SLC26A2: variants seen among roughly 807,000 people sequenced by gnomAD.
SLC26A2 encodes the protein sulfate transporter.
SLC26A2 carries 36 observed loss-of-function variants against 41.1 expected under a neutral mutation model. The observed-to-expected ratio is 0.88, with a 90% CI of 0.67 to 1.16. The LOEUF (loss-of-function observed/expected upper bound fraction) is 1.16. Among genes scored for constraint, SLC26A2 ranks in the 50% most tolerant of loss-of-function variants. The pLI, the probability that SLC26A2 is intolerant of heterozygous loss-of-function variation, is 0.00. For missense variants in SLC26A2, 796 were observed against 869.6 expected (o/e 0.92, Z 1.07); for synonymous variants, 291 against 311.6 (o/e 0.93, Z 0.70).
chr5:149,967,154 CTG>C (rs1212783307), intron 1 of SLC26A2, among the ~76,000 whole-genome samples: 2 of 152,176 alleles, frequency 1.3e-5, no homozygotes, highest in African/African-American at 2.4e-5. Flanking sequence ...CAGAGTGAGA[CTG>C]TGTCTCTTAA....
At chr5:149,979,608 T>TA (rs1755057462) in intron 2 of SLC26A2, among the ~76,000 whole-genome samples, 1 of 152,102 alleles carries the variant, frequency 6.6e-6, no homozygotes, top group East Asian at 1.9e-4. Context: ...TCTGAAAACT[T>TA]ATTAGACAGA....
chr5:149,979,295 G>A (rs951353654), intron 2 of SLC26A2, among the ~76,000 whole-genome samples: 2 of 152,130 alleles, frequency 1.3e-5, no homozygotes, highest in Non-Finnish European at 2.9e-5. Context: ...AACCAACAAG[G>A]GAAGGGGAAG....
At position 149,977,728 on chromosome 5, in the gene SLC26A2, G is replaced by A; in HGVS notation, c.76G>A (p.Gly26Arg). Residue 26 changes from glycine to arginine, a missense_variant, in exon 2 of 3, where the codon GGG (glycine) becomes AGG (arginine). Transcript: ENST00000286298. ...TGAAGGAAATGACAGTTATCCATCT[G>A]GGATCCATCTGGAACTTCAAAGGGA... Reference protein sequence around the residue: ...SAEGNDSYPSGIHLELQRESS... With the variant: ...SAEGNDSYPSRIHLELQRESS... The A allele has an allele frequency of 6.2e-7, 1 of 1,613,960 alleles. No individual in the cohort carries two copies.
rs1755172249 is a variant in SLC26A2, at chr5:149,984,981, C to T, written c.*3168C>T. The T allele has an allele frequency of 6.6e-6, 1 of 152,168 alleles. No individual in the cohort carries two copies. Among genetic ancestry groups the T allele is most frequent in the Non-Finnish European group, 1.5e-5 (1 of 68,058 alleles). 9.4% of individuals were successfully genotyped at this position (152,168 alleles called of 1,614,324 possible). On this transcript the variant is annotated 3_prime_UTR_variant, in exon 3 of 3. Coordinates refer to ENST00000286298, the MANE Select transcript of SLC26A2 (RefSeq NM_000112.4). ...AAACATTATAGAGGAGTGAAGAGAA[C>T]AGACCATTGAAAAGACTATTATCTG... is the stretch of plus-strand genomic sequence containing the variant.
At position 149,978,184 on chromosome 5, in the gene SLC26A2, C is replaced by T. The variant is rs104893919; in HGVS notation, c.532C>T (p.Arg178Ter). 9.7e-5 allele frequency: 156 copies of T among 1,612,622 alleles called. No homozygotes were observed. Among genetic ancestry groups the T allele is most frequent in the Admixed American group, 2.5e-4 (15 of 59,968 alleles). ...CCTTATGATTGGTGAGACAGTTGAC[C>T]GAGAACTACAGAAAGCTGGCTATGA... ...LCLMIGETVD[R>*]ELQKAGYDNA... Residue 178 changes from arginine to a stop codon, truncating the protein, a stop_gained, in exon 2 of 3, where the codon CGA (arginine) becomes TGA (stop). Coordinates refer to ENST00000286298, the MANE Select transcript of SLC26A2 (RefSeq NM_000112.4). LOFTEE classifies it high-confidence loss of function.
Position 149,978,299 on chromosome 5 carries a change from G to A in SLC26A2, c.647G>A (p.Cys216Tyr). The A allele has an allele frequency of 6.2e-7, 1 of 1,613,972 alleles. No individual in the cohort carries two copies. The highest frequency in any genetic ancestry group is 8.5e-7 in the Non-Finnish European group (1 of 1,180,014). Residue 216 changes from cysteine (C) to tyrosine (Y), a missense_variant, in exon 2 of 3, where the codon TGC (cysteine) becomes TAC (tyrosine). Coordinates refer to ENST00000286298, the MANE Select transcript of SLC26A2 (RefSeq NM_000112.4). ...TCAGACAGGATATGTGACAAAAGTTGCTATGCAATTATGGTTGGCAGCACT... is the reference window on the plus strand; with the variant it reads ...TCAGACAGGATATGTGACAAAAGTTACTATGCAATTATGGTTGGCAGCACT... The part of the protein sequence containing the change: ...HTSDRICDKS[C>Y]YAIMVGSTVT...
intron 1 of SLC26A2, among the ~76,000 whole-genome samples, chr5:149,976,631 AC>A: frequency 6.6e-6 from 1 of 152,250 alleles, no homozygotes; most frequent in East Asian, 1.9e-4. Flanking sequence ...TATTAGACTT[AC>A]TATTTGTTGT....
At chr5:149,970,033 A>T (rs1021719900) in intron 1 of SLC26A2, among the ~76,000 whole-genome samples, 1 of 152,236 alleles carries the variant, frequency 6.6e-6, no homozygotes, top group African/African-American at 2.4e-5. Flanking sequence ...GTTCTTGATA[A>T]TGGAAATATA....
intron 1 of SLC26A2, among the ~76,000 whole-genome samples, chr5:149,974,930 G>T (rs1399441630): frequency 6.6e-6 from 1 of 151,934 alleles, no homozygotes; most frequent in Admixed American, 6.6e-5. Context: ...TCACCATGTT[G>T]GTCATGCTGG....
chr5:149,969,739 A>C (rs767845444), intron 1 of SLC26A2, among the ~76,000 whole-genome samples: 2 of 152,176 alleles, frequency 1.3e-5, no homozygotes, highest in African/African-American at 4.8e-5. Context: ...TATCTCCTAC[A>C]ACTTCACCCT....
intron 1 of SLC26A2, among the ~76,000 whole-genome samples, chr5:149,969,239 A>T (rs145137941): frequency 1.1e-4 from 17 of 152,346 alleles, no homozygotes; most frequent in African/African-American, 4.1e-4. Flanking sequence ...AACATCTTGA[A>T]TAATTTTAAT....
Position 149,981,827 on chromosome 5 carries a change from TAGA to T in SLC26A2, c.*19_*21del, listed in dbSNP as rs775062734. ...AGTAGTGATTAATTGAGAAGGTAGA[TAGA>T]AGAATGTCTAGCCAATAGGTTAAAA... On this transcript the variant is annotated 3_prime_UTR_variant, in exon 3 of 3. Coordinates refer to ENST00000286298, the MANE Select transcript of SLC26A2 (RefSeq NM_000112.4). The T allele has an allele frequency of 1.0e-4, 164 of 1,583,232 alleles. No homozygotes were observed. The highest frequency in any genetic ancestry group is 5.0e-4 in the Middle Eastern group (3 of 6,024).
chr5:149,980,810 A>G lies in SLC26A2; in HGVS notation c.1217A>G (p.Lys406Arg), dbSNP rs1561822203. The G allele has an allele frequency of 1.9e-6, 3 of 1,614,134 alleles. No individual in the cohort carries two copies. Among genetic ancestry groups the G allele is most frequent in the Non-Finnish European group, 2.5e-6 (3 of 1,180,020 alleles). Residue 406 changes from lysine (K) to arginine (R), a missense_variant, in exon 3 of 3, where the codon AAG (lysine) becomes AGG (arginine). Physicochemically the swap from Lys to Arg is conservative, Grantham distance 26 (BLOSUM62 2). Coordinates refer to ENST00000286298, the MANE Select transcript of SLC26A2 (RefSeq NM_000112.4). ...ITVSLSEMFAKKHGYTVKANQ... is the reference protein window; with the variant it reads ...ITVSLSEMFARKHGYTVKANQ... ...GTATCACTTTCTGAGATGTTTGCCA[A>G]GAAACATGGTTACACAGTCAAAGCA...
Position 149,977,854 on chromosome 5 carries a change from G to A in SLC26A2, c.202G>A (p.Glu68Lys), listed in dbSNP as rs751114545. The A allele has an allele frequency of 1.2e-6, 2 of 1,613,450 alleles. No individual in the cohort carries two copies. The highest frequency in any genetic ancestry group is 1.7e-6 in the Non-Finnish European group (2 of 1,179,494). The change falls in exon 2 of 3, where the codon GAG becomes AAG. Residue 68 changes from glutamate to lysine, a missense_variant. Transcript: ENST00000286298. ...RQEKSDTNFK[E>K]FVIKKLQKNC... ...AGAGAAATCAGATACAAACTTCAAG[G>A]AGTTTGTTATTAAAAAGCTGCAGAA...
chr5:149,967,766 G>T (rs1049355820), intron 1 of SLC26A2, among the ~76,000 whole-genome samples: 10 of 151,324 alleles, frequency 6.6e-5, no homozygotes, highest in Admixed American at 1.3e-4. Context: ...ATATATTTTT[G>T]TTGTTGTTGT....
Position 149,981,777 on chromosome 5 carries a change from A to G in SLC26A2, c.2184A>G (p.Val728=), listed in dbSNP as rs758010725. The change falls in exon 3 of 3, where the codon GTA becomes GTG. Residue 728 remains valine, a synonymous_variant. Transcript: ENST00000286298. ...AAGTATCTAAAAATCAGAAAGGAGTATGTGTTCCCAATGGTCTGAGTCTTA... is the reference window on the plus strand; with the variant it reads ...AAGTATCTAAAAATCAGAAAGGAGTGTGTGTTCCCAATGGTCTGAGTCTTA... ...FAEVSKNQKG[V]CVPNGLSLSS... The G allele has an allele frequency of 1.9e-6, 3 of 1,613,144 alleles. No individual in the cohort carries two copies. The Admixed American group carries it at 5.0e-5, about 27-fold the overall frequency.
chr5:149,970,167 A>G (rs1754877484), intron 1 of SLC26A2, among the ~76,000 whole-genome samples: 1 of 152,174 alleles, frequency 6.6e-6, no homozygotes, highest in Non-Finnish European at 1.5e-5. Context: ...AGGAGGTGTT[A>G]TTTTATTTGG....
At chr5:149,971,770 G>A (rs1243400884) in intron 1 of SLC26A2, among the ~76,000 whole-genome samples, 1 of 152,136 alleles carries the variant, frequency 6.6e-6, no homozygotes, top group South Asian at 2.1e-4. Context: ...AATATTAGTT[G>A]CTTTAGTGGA....
At chr5:149,976,742 A>C (rs375408982) in intron 1 of SLC26A2, among the ~76,000 whole-genome samples, 1 of 152,288 alleles carries the variant, frequency 6.6e-6, no homozygotes, top group East Asian at 1.9e-4. Flanking sequence ...GGACACAGAG[A>C]TGAAGGATCA....
Sources: gnomAD v4.1 joint callset for allele counts (sites outside exome capture counted in the v4.1 genomes callset) on GRCh38, gnomAD v4.1.1 for gene constraint, MANE v1.5 for transcripts, NCBI Gene and HGNC (gene_info 2026-07-23, HGNC 2026-07-21) for gene names.